EMILIN2: variants seen among roughly 807,000 people sequenced by gnomAD.
EMILIN2 encodes EMILIN-2.
EMILIN2 carries 71 observed loss-of-function variants against 87.1 expected under a neutral mutation model. The ratio of observed to expected loss-of-function variants is 0.82; its 90% CI spans 0.67 to 0.99. EMILIN2 has a LOEUF of 0.99. Among genes scored for constraint, EMILIN2 ranks in the 50% least tolerant of loss-of-function variants. EMILIN2 has a pLI of 0.00. For missense variants in EMILIN2, 1,407 were observed against 1,371.8 expected (o/e 1.03, Z -0.40); for synonymous variants, 581 against 563.4 (o/e 1.03, Z -0.44).
chr18:2,888,809 G>A (rs946348801), intron 3 of EMILIN2, among the ~76,000 whole-genome samples: 4 of 151,822 alleles, frequency 2.6e-5, no homozygotes, highest in South Asian at 4.2e-4. Flanking sequence ...AATGATTCTT[G>A]GGGATTTGGA....
chr18:2,896,505 G>C (rs976245871), intron 4 of EMILIN2, among the ~76,000 whole-genome samples: 20 of 152,134 alleles, frequency 1.3e-4, no homozygotes, highest in African/African-American at 4.3e-4. Context: ...ACAGGATCTT[G>C]CTCTGTCACC....
chr18:2,887,194 A>G (rs2076807278), intron 3 of EMILIN2, among the ~76,000 whole-genome samples: 1 of 150,126 alleles, frequency 6.7e-6, no homozygotes, highest in South Asian at 2.3e-4. Context: ...CTAGCTTCCA[A>G]TATTGCTGCT....
intron 2 of EMILIN2, among the ~76,000 whole-genome samples, chr18:2,860,851 C>G (rs879106030): frequency 6.6e-6 from 1 of 152,188 alleles, no homozygotes; most frequent in Non-Finnish European, 1.5e-5. Flanking sequence ...TACAGTCCCA[C>G]CAACAGTGTA....
intron 2 of EMILIN2, among the ~76,000 whole-genome samples, chr18:2,867,503 C>A (rs552638757): frequency 6.6e-6 from 1 of 152,130 alleles, no homozygotes; most frequent in Admixed American, 6.5e-5. Flanking sequence ...TGCGGCCTTC[C>A]GCAGTGTTTG....
chr18:2,909,606 G>A, intron 6 of EMILIN2, 85 bp from the exon 7 acceptor site: 2 of 1,538,858 alleles, frequency 1.3e-6, no homozygotes, highest in Non-Finnish European at 1.8e-6. Flanking sequence ...ACCTGGGCCT[G>A]GCACGTAGGC....
At chr18:2,895,517 C>T (rs1338745613) in intron 4 of EMILIN2, among the ~76,000 whole-genome samples, 1 of 152,202 alleles carries the variant, frequency 6.6e-6, no homozygotes, top group Non-Finnish European at 1.5e-5. Flanking sequence ...GGGCTTGGCT[C>T]AGCGGTTCTT....
At chr18:2,876,251 G>C (rs1598492715) in intron 2 of EMILIN2, among the ~76,000 whole-genome samples, 1 of 151,736 alleles carries the variant, frequency 6.6e-6, no homozygotes, top group East Asian at 2.0e-4. Flanking sequence ...AAAGTGCTGG[G>C]ATTACAGACA....
In EMILIN2 at chr18:2,891,111, G is replaced by T. The variant is rs765704528; in HGVS notation, c.984G>T (p.Glu328Asp). ...VDSKIDALRE[E>D]LMEGMDRKLA... ...GTAAGATCGACGCCCTGAGAGAGGA[G>T]CTCATGGAGGGCATGGACAGAAAGC... Residue 328 changes from glutamate to aspartate, a missense_variant, in exon 4 of 8, where the codon GAG becomes GAT. Coordinates refer to ENST00000254528, the MANE Select transcript of EMILIN2 (RefSeq NM_032048.3). The surrounding 1 kb of genome is among the most constrained non-coding windows in gnomAD (Gnocchi z 4.6). 6.2e-7 allele frequency: 1 copy of T among 1,614,210 alleles called. No individual in the cohort carries two copies. The highest frequency in any genetic ancestry group is 8.5e-7 in the Non-Finnish European group (1 of 1,180,048).
intron 4 of EMILIN2, chr18:2,906,146 G>A (rs968799840): frequency 3.3e-5 from 5 of 152,194 alleles, no homozygotes; most frequent in African/African-American, 1.2e-4. Flanking sequence ...GGGGCTTCCT[G>A]GAGGGCTCGT....
At chr18:2,903,237 G>C (rs1032963729) in intron 4 of EMILIN2, among the ~76,000 whole-genome samples, 4 of 152,112 alleles carry the variant, frequency 2.6e-5, no homozygotes, top group African/African-American at 9.7e-5. Flanking sequence ...CAGCTTCTGA[G>C]CCAGGGAGAC....
chr18:2,903,813 C>G (rs569323857), intron 4 of EMILIN2, among the ~76,000 whole-genome samples: 61 of 152,256 alleles, frequency 4.0e-4, no homozygotes, highest in Non-Finnish European at 5.1e-4. Flanking sequence ...GGAATTCTTG[C>G]TCTTTCTGAT....
intron 2 of EMILIN2, among the ~76,000 whole-genome samples, chr18:2,865,483 C>G (rs900305458): frequency 1.3e-5 from 2 of 152,148 alleles, no homozygotes; most frequent in African/African-American, 4.8e-5. Flanking sequence ...CACTCCAGAC[C>G]CTGTTTGCCT....
chr18:2,900,363 A>AT (rs930846022), intron 4 of EMILIN2, among the ~76,000 whole-genome samples: 57 of 152,180 alleles, frequency 3.7e-4, no homozygotes, highest in African/African-American at 1.2e-3. Context: ...ACTTTTTAAA[A>AT]TTTTTTGTCG....
At chr18:2,858,583 G>GTGTGTGTGTGTGTGTGTGTATATA (rs1180735843) in intron 2 of EMILIN2, among the ~76,000 whole-genome samples, 1 of 63,036 alleles carries the variant, frequency 1.6e-5, no homozygotes, top group Non-Finnish European at 2.6e-5. Context: ...GTGTGTGTGT[G>GTGTGTGTGTGTGTGTGTGTATATA]TATATATATA....
At chr18:2,878,817 G>A (rs564073764) in intron 2 of EMILIN2, among the ~76,000 whole-genome samples, 13 of 152,306 alleles carry the variant, frequency 8.5e-5, no homozygotes, top group Admixed American at 2.0e-4. Context: ...CACATGAATG[G>A]AGCAAGAAGA....
At chr18:2,907,227 C>G in intron 5 of EMILIN2, 142 bp downstream of exon 5, 8 of 941,880 alleles carry the variant, frequency 8.5e-6, no homozygotes, top group South Asian at 5.4e-5. Context: ...GGAAGGATGC[C>G]GAGGCCCGAG....
At chr18:2,898,780 A>G (rs941356597) in intron 4 of EMILIN2, among the ~76,000 whole-genome samples, 3 of 152,232 alleles carry the variant, frequency 2.0e-5, no homozygotes, top group African/African-American at 4.8e-5. Context: ...TGATGCCAAC[A>G]TTCTGACCCC....
intron 2 of EMILIN2, among the ~76,000 whole-genome samples, chr18:2,871,357 G>A (rs1024450879): frequency 2.6e-5 from 4 of 152,142 alleles, no homozygotes; most frequent in Non-Finnish European, 5.9e-5. Flanking sequence ...GATTACAGGC[G>A]TGAGCCACCA....
intron 4 of EMILIN2, among the ~76,000 whole-genome samples, chr18:2,898,459 C>A (rs1047063182): frequency 2.6e-5 from 4 of 152,164 alleles, no homozygotes; most frequent in Admixed American, 6.5e-5. Flanking sequence ...GGAAGGGGTG[C>A]TGGTGGCGAG....
Sources: gnomAD v4.1 joint callset for allele counts (sites outside exome capture counted in the v4.1 genomes callset) on GRCh38, gnomAD v4.1.1 for gene constraint, Gnocchi (gnomAD v3.1) non-coding constraint, MANE v1.5 for transcripts, NCBI Gene and HGNC (gene_info 2026-07-23, HGNC 2026-07-21) for gene names.